The following ADARB2 variants were observed in gnomAD, a reference collection of about 807,000 sequenced individuals.
ADARB2 encodes adenosine deaminase RNA specific B2 (inactive).
Under a neutral mutation model 62.2 loss-of-function variants are expected in ADARB2, and 25 were observed. The observed-to-expected ratio is 0.40, with a 90% CI of 0.29 to 0.56. The LOEUF (loss-of-function observed/expected upper bound fraction) is 0.56. Ranked by LOEUF, ADARB2 falls within the 20% of genes least tolerant of loss-of-function variation. ADARB2 has a pLI of 0.43. For missense variants in ADARB2, 1,071 were observed against 1,077.4 expected (o/e 0.99, Z 0.08); for synonymous variants, 572 against 500.8 (o/e 1.14, Z -1.90).
intron 3 of ADARB2, among the ~76,000 whole-genome samples, chr10:1,353,941 G>A (rs915092024): frequency 2.0e-5 from 3 of 152,028 alleles, no homozygotes; most frequent in Admixed American, 6.6e-5. Context: ...ACACAGCCCC[G>A]TAAATAACAG....
In ADARB2 at chr10:1,569,769, A is replaced by T. The variant is rs183545645; in HGVS notation, c.100+167282T>A. Among the ~76,000 whole-genome samples, 1,219 of 149,426 alleles carry T rather than the reference A, an allele frequency of 8.2e-3. 3 individuals carry two copies. Among genetic ancestry groups the T allele is most frequent in the African/African-American group, 0.014 (554 of 39,590 alleles). Reference sequence around the variant, plus strand: ...ATTTTCTAAAGTATCATTTTTTTTTAAAAAAATGTAATACTGCTCAAAATA... The same window carrying T: ...ATTTTCTAAAGTATCATTTTTTTTTTAAAAAATGTAATACTGCTCAAAATA... On this transcript the variant is annotated intron_variant, in intron 1 of 9. Coordinates refer to ENST00000381312, the MANE Select transcript of ADARB2 (RefSeq NM_018702.4).
chr10:1,541,165 C>G (rs77018353), intron 1 of ADARB2, among the ~76,000 whole-genome samples: 171 of 24,696 alleles, frequency 6.9e-3, no homozygotes, highest in Middle Eastern at 0.024. Flanking sequence ...ACCCCACTCA[C>G]ACTCAGTTCA....
At chr10:1,411,102 A>C (rs200202214) in intron 1 of ADARB2, among the ~76,000 whole-genome samples, 2 of 152,188 alleles carry the variant, frequency 1.3e-5, no homozygotes, top group Non-Finnish European at 2.9e-5. Context: ...CTTTGGGACC[A>C]GGGCACGGCC....
chr10:1,672,802 C>A (rs537416908), intron 1 of ADARB2, among the ~76,000 whole-genome samples: 1 of 150,792 alleles, frequency 6.6e-6, no homozygotes, highest in South Asian at 2.1e-4. Context: ...TATCCAGCAA[C>A]CTCCACGTCT....
chr10:1,188,777 G>C (rs1405778571), intron 8 of ADARB2, among the ~76,000 whole-genome samples: 1 of 152,214 alleles, frequency 6.6e-6, no homozygotes, highest in Admixed American at 6.5e-5. Context: ...CTAATGTGCA[G>C]AGAAACGGAT....
chr10:1,269,308 C>G (rs1279257259), intron 4 of ADARB2, among the ~76,000 whole-genome samples: 6 of 152,094 alleles, frequency 3.9e-5, no homozygotes, highest in Admixed American at 3.3e-4. Context: ...TTAAATTGTT[C>G]TGTATGAACC....
rs1219143531 is a variant in ADARB2 at position 1,584,188 on chromosome 10, G to A, written c.100+152863C>T. On this transcript the variant is annotated intron_variant, in intron 1 of 9. Coordinates refer to ENST00000381312, the MANE Select transcript of ADARB2 (RefSeq NM_018702.4). Reference sequence around the variant, plus strand: ...CGGTAGAACCCAACATCAAGAAAATGAGAATGCATACCATAGATTAGGAGA... The same window carrying A: ...CGGTAGAACCCAACATCAAGAAAATAAGAATGCATACCATAGATTAGGAGA... Among the ~76,000 whole-genome samples, 6 of 152,116 alleles carry A rather than the reference G, an allele frequency of 3.9e-5. No individual in the cohort carries two copies. In the East Asian group the frequency reaches 1.2e-3, roughly 29 times the overall value.
At chr10:1,697,290 C>T (rs1163983644) in intron 1 of ADARB2, among the ~76,000 whole-genome samples, 1 of 152,178 alleles carries the variant, frequency 6.6e-6, no homozygotes, top group Non-Finnish European at 1.5e-5. Context: ...TCCAGGGAAA[C>T]TGATGAGATT....
At chr10:1,724,096 T>G (rs533575217) in intron 1 of ADARB2, among the ~76,000 whole-genome samples, 1 of 152,328 alleles carries the variant, frequency 6.6e-6, no homozygotes. Context: ...CCTCACAGTG[T>G]GACCATATTT....
chr10:1,713,819 C>T (rs1588363349), intron 1 of ADARB2, among the ~76,000 whole-genome samples: 2 of 152,270 alleles, frequency 1.3e-5, no homozygotes, highest in Non-Finnish European at 2.9e-5. Context: ...TCCTCACTTC[C>T]TTGAGGACAC....
At chr10:1,571,576 ACTCC>A (rs1162093063) in intron 1 of ADARB2, among the ~76,000 whole-genome samples, 1 of 152,132 alleles carries the variant, frequency 6.6e-6, no homozygotes, top group East Asian at 1.9e-4. Context: ...GGGTATCAGG[ACTCC>A]CTCTTTCATC....
At chr10:1,579,651 A>G (rs947522421) in intron 1 of ADARB2, among the ~76,000 whole-genome samples, 4 of 152,244 alleles carry the variant, frequency 2.6e-5, no homozygotes, top group African/African-American at 9.6e-5. Context: ...AAAATAAAAT[A>G]AAGACTCCAA....
At chr10:1,613,988 C>G (rs1833601396) in intron 1 of ADARB2, among the ~76,000 whole-genome samples, 1 of 152,106 alleles carries the variant, frequency 6.6e-6, no homozygotes, top group African/African-American at 2.4e-5. Context: ...CTTTGTTTGA[C>G]TTGGTTAGTG....
intron 1 of ADARB2, among the ~76,000 whole-genome samples, chr10:1,411,557 C>T (rs1234006556): frequency 2.0e-5 from 3 of 152,218 alleles, no homozygotes; most frequent in Non-Finnish European, 4.4e-5. Context: ...GACTGTATCC[C>T]TGGGCCAGGT....
At chr10:1,334,276 C>T (rs146648569) in intron 3 of ADARB2, among the ~76,000 whole-genome samples, 326 of 152,266 alleles carry the variant, frequency 2.1e-3, no homozygotes, top group African/African-American at 7.7e-3. Flanking sequence ...GAGATCAGGC[C>T]GCGGCTTTTG....
At chr10:1,399,614 T>C (rs1832645471) in intron 1 of ADARB2, among the ~76,000 whole-genome samples, 1 of 152,126 alleles carries the variant, frequency 6.6e-6, no homozygotes, top group Non-Finnish European at 1.5e-5. Flanking sequence ...GTGTGACAGA[T>C]GCTCTGTGGG....
At chr10:1,724,435 C>T (rs531956783) in intron 1 of ADARB2, among the ~76,000 whole-genome samples, 148 of 152,334 alleles carry the variant, frequency 9.7e-4, no homozygotes, top group African/African-American at 3.4e-3. Context: ...GGTTTATCTT[C>T]GTTCCCAAGG....
At chr10:1,599,543 C>T (rs1454025369) in intron 1 of ADARB2, among the ~76,000 whole-genome samples, 1 of 151,958 alleles carries the variant, frequency 6.6e-6, no homozygotes, top group African/African-American at 2.4e-5. Flanking sequence ...CCTGAAGAGC[C>T]GTTAATTAAT....
intron 1 of ADARB2, among the ~76,000 whole-genome samples, chr10:1,680,912 T>C (rs1235064939): frequency 6.6e-6 from 1 of 152,194 alleles, no homozygotes; most frequent in Admixed American, 6.5e-5. Context: ...CCTCATCAGA[T>C]CCCATAATAA....
Sources: allele counts gnomAD v4.1 joint callset (sites outside exome capture counted in the v4.1 genomes callset), GRCh38; gene constraint gnomAD v4.1.1; transcripts MANE v1.5; gene names NCBI Gene and HGNC (gene_info 2026-07-23, HGNC 2026-07-21).